Variants in NDUFA10 observed in about 807,000 individuals in gnomAD.
The protein encoded by NDUFA10 is NADH:ubiquinone oxidoreductase subunit A10, also known as NADH dehydrogenase [ubiquinone] 1 alpha subcomplex subunit 10, mitochondrial.
NDUFA10 carries 40 observed loss-of-function variants against 47.8 expected under a neutral mutation model. The ratio of observed to expected loss-of-function variants is 0.84; its 90% CI spans 0.65 to 1.09. NDUFA10 has a LOEUF of 1.09. Ranked by LOEUF, NDUFA10 falls within the 50% of genes least tolerant of loss-of-function variation. NDUFA10 has a pLI of 0.00. For synonymous variants in NDUFA10, 183 were observed against 172.2 expected (o/e 1.06, Z -0.49); for missense variants, 413 against 451.1 (o/e 0.92, Z 0.76).
intron 4 of NDUFA10, among the ~76,000 whole-genome samples, chr2:240,017,569 G>A (rs1237737651): frequency 1.3e-5 from 2 of 152,118 alleles, no homozygotes; most frequent in Non-Finnish European, 2.9e-5. Flanking sequence ...GGGCCCGTGG[G>A]AGCCTTGTCT....
chr2:239,990,253 AT>A (rs1175583947), intron 8 of NDUFA10, 71 bp from the exon 9 acceptor site: 14 of 1,262,404 alleles, frequency 1.1e-5, no homozygotes, highest in African/African-American at 3.0e-5. Flanking sequence ...TGTAAGTCCG[AT>A]TTTTTTTAAA....
intron 8 of NDUFA10, among the ~76,000 whole-genome samples, chr2:239,995,347 C>T (rs1194367125): frequency 2.0e-5 from 3 of 152,110 alleles, no homozygotes; most frequent in East Asian, 1.9e-4. Flanking sequence ...AAGACTGTGC[C>T]GTCGGTACCT....
At position 239,960,560 on chromosome 2, in the gene NDUFA10, A is replaced by AT. The variant is rs1694810071; in HGVS notation, c.*557dup. The stretch of plus-strand genomic sequence containing the variant: ...TTTGCTATTTCTTCTTCACGTTCTT[A>AT]TTTTTTCTACTCTAATGTAGCACAT... On this transcript the variant is annotated 3_prime_UTR_variant, in exon 10 of 10. Coordinates refer to ENST00000252711, the MANE Select transcript of NDUFA10 (RefSeq NM_004544.4). 6 of 997,534 alleles carry AT rather than the reference A, an allele frequency of 6.0e-6. No individual in the cohort carries two copies. Among genetic ancestry groups the AT allele is most frequent in the African/African-American group, 5.2e-5 (3 of 57,560 alleles). 61.8% of individuals were successfully genotyped at this position (997,534 alleles called of 1,614,324 possible).
intron 4 of NDUFA10, among the ~76,000 whole-genome samples, chr2:239,938,168 TC>T (rs1163117818): frequency 6.6e-6 from 1 of 152,118 alleles, no homozygotes; most frequent in East Asian, 1.9e-4. Flanking sequence ...AGCTCCCCCA[TC>T]TGTCAGGGCC....
chr2:239,994,436 G>A (rs1434099890), intron 8 of NDUFA10, among the ~76,000 whole-genome samples: 1 of 151,950 alleles, frequency 6.6e-6, no homozygotes, highest in Non-Finnish European at 1.5e-5. Context: ...AATGCCTGAT[G>A]ATCTGTCACT....
At chr2:239,939,766 G>A (rs558104058) in intron 4 of NDUFA10, among the ~76,000 whole-genome samples, 2 of 152,342 alleles carry the variant, frequency 1.3e-5, no homozygotes, top group East Asian at 1.9e-4. Context: ...CACGGAAACA[G>A]GGCACTACCC....
intron 5 of NDUFA10, among the ~76,000 whole-genome samples, chr2:239,894,539 T>A (rs1233152589): frequency 2.0e-5 from 3 of 152,178 alleles, no homozygotes; most frequent in Non-Finnish European, 4.4e-5. Context: ...ATCTGTCTCT[T>A]CTGCCTCCTC....
chr2:239,963,840 A>T (rs1308928377), intron 9 of NDUFA10, among the ~76,000 whole-genome samples: 1 of 152,200 alleles, frequency 6.6e-6, no homozygotes, highest in East Asian at 1.9e-4. Context: ...GAGGCTGCAG[A>T]GGGACTGAGG....
intron 4 of NDUFA10, among the ~76,000 whole-genome samples, chr2:239,916,654 G>A (rs377150649): frequency 1.3e-5 from 2 of 152,262 alleles, no homozygotes; most frequent in African/African-American, 4.8e-5. Context: ...AGAAGTCCAG[G>A]GTCCAGGCAC....
At position 239,929,597 on chromosome 2, in the gene NDUFA10, G is replaced by A. The variant is rs144259423; in HGVS notation, c.295-34283C>T. On this transcript the variant is annotated intron_variant, in intron 4 of 5. Coordinates refer to the NDUFA10 transcript ENST00000419408. ...CAGCAAGCTGCCCTGCTCCTCCGCC[G>A]GCCCTGCTTCTCCACCAGCCCTGCT... is the stretch of plus-strand genomic sequence containing the variant. Among the ~76,000 whole-genome samples the A allele has an allele frequency of 8.6e-3, 1,304 of 151,742 alleles. 18 individuals are homozygous for A. The highest frequency in any genetic ancestry group is 0.03 in the African/African-American group (1,230 of 41,342).
In NDUFA10 at chr2:240,004,168, G is replaced by C. The variant is rs527501636; in HGVS notation, c.890+1042C>G. ...GGGGAGGAGGAGGGCATGGAACCAGGAGAAGGGAGTGGAGAAGAGGGGCAG... is the reference window on the plus strand; with the variant it reads ...GGGGAGGAGGAGGGCATGGAACCAGCAGAAGGGAGTGGAGAAGAGGGGCAG... On this transcript the variant is annotated intron_variant, in intron 8 of 9. Transcript: ENST00000252711. 9.9e-5 allele frequency among the ~76,000 whole-genome samples: 15 copies of C among 152,266 alleles called. No homozygotes were observed. In the South Asian group the frequency reaches 3.1e-3, roughly 32 times the overall value.
At chr2:239,947,769 G>A (rs1450088446) in intron 4 of NDUFA10, among the ~76,000 whole-genome samples, 1 of 152,214 alleles carries the variant, frequency 6.6e-6, no homozygotes, top group Non-Finnish European at 1.5e-5. Flanking sequence ...CAAGAGGGAT[G>A]AGGGCTCCAG....
rs1385889526 is a variant in NDUFA10 at position 239,980,294 on chromosome 2, G to A, written c.999+9780C>T. On this transcript the variant is annotated intron_variant, in intron 9 of 9. Transcript: ENST00000252711. ...CTGGGATGACACTGTCGGGCAGGGGGTCTGAAATGTCAGGCTTGGCAGCAG... is the reference window on the plus strand; with the variant it reads ...CTGGGATGACACTGTCGGGCAGGGGATCTGAAATGTCAGGCTTGGCAGCAG... Among the ~76,000 whole-genome samples, 3 of 152,224 alleles carry A rather than the reference G, an allele frequency of 2.0e-5. No individual in the cohort carries two copies. In the South Asian group the frequency reaches 6.2e-4, roughly 32 times the overall value.
chr2:239,900,794 T>C (rs1362494136), intron 4 of NDUFA10, among the ~76,000 whole-genome samples: 1 of 152,192 alleles, frequency 6.6e-6, no homozygotes, highest in Non-Finnish European at 1.5e-5. Context: ...TTCAATTCTG[T>C]GACGGTAAAG....
Position 239,959,939 on chromosome 2 carries a change from C to T in NDUFA10, c.*1179G>A, listed in dbSNP as rs901315870. ...CAGCAGCGAGGCCTGGTAGAGCTTC[C>T]GCGGGGAGCAGAGCATCGTCCTCTG... On this transcript the variant is annotated 3_prime_UTR_variant, in exon 10 of 10. Coordinates refer to ENST00000252711, the MANE Select transcript of NDUFA10 (RefSeq NM_004544.4). 3.0e-6 allele frequency: 3 copies of T among 985,380 alleles called. No homozygotes were observed. The highest frequency in any genetic ancestry group is 1.1e-4 in the East Asian group (1 of 8,834). 61.0% of individuals were successfully genotyped at this position (985,380 alleles called of 1,614,324 possible). A position where few individuals can be genotyped will look rare whatever the true frequency, so the allele number is the denominator to read the frequency against.
intron 8 of NDUFA10, among the ~76,000 whole-genome samples, chr2:239,996,849 T>C (rs974615635): frequency 1.3e-5 from 2 of 152,038 alleles, no homozygotes; most frequent in Non-Finnish European, 2.9e-5. Flanking sequence ...TCAGTGTTAT[T>C]TTATGTGTGG....
chr2:240,021,578 G>A (rs1697625630), intron 2 of NDUFA10, among the ~76,000 whole-genome samples, 166 bp from the exon 3 acceptor site: 1 of 152,198 alleles, frequency 6.6e-6, no homozygotes, highest in Non-Finnish European at 1.5e-5. Context: ...CACGTATGAA[G>A]GGAACACACA....
intron 4 of NDUFA10, among the ~76,000 whole-genome samples, chr2:239,947,167 G>A (rs1694469961): frequency 6.6e-6 from 1 of 152,216 alleles, no homozygotes; most frequent in African/African-American, 2.4e-5. Context: ...GCCTAGGCCA[G>A]GCCATCTGGG....
At chr2:239,898,262 CT>C (rs1324609135) in intron 4 of NDUFA10, among the ~76,000 whole-genome samples, 1 of 152,214 alleles carries the variant, frequency 6.6e-6, no homozygotes, top group Non-Finnish European at 1.5e-5. Flanking sequence ...GAACGTGTTC[CT>C]CTGAAGTCTA....
Sources: gnomAD v4.1 joint callset for allele counts (sites outside exome capture counted in the v4.1 genomes callset) on GRCh38, gnomAD v4.1.1 for gene constraint, MANE v1.5 for transcripts, NCBI Gene and HGNC (gene_info 2026-07-23, HGNC 2026-07-21) for gene names.